STOX1: variants seen among roughly 807,000 people sequenced by gnomAD.
The protein encoded by STOX1 is storkhead box 1.
A neutral mutation model predicts 74.8 loss-of-function variants in STOX1; 57 were observed. The observed-to-expected ratio is 0.76, with a 90% confidence interval of 0.62 to 0.95. The LOEUF (loss-of-function observed/expected upper bound fraction) is 0.95. STOX1 is among the 40% of genes least tolerant of loss of function. The pLI, the probability that STOX1 is intolerant of heterozygous loss-of-function variation, is 0.00. For missense variants in STOX1, 1,010 were observed against 1,117.0 expected (o/e 0.90, Z 1.37); for synonymous variants, 375 against 401.3 (o/e 0.93, Z 0.78).
At chr10:68,842,421 T>A in intron 1 of STOX1, among the ~76,000 whole-genome samples, 1 of 152,226 alleles carries the variant, frequency 6.6e-6, no homozygotes, top group East Asian at 1.9e-4. Context: ...GATGTTAAGC[T>A]TATTCCATGA....
chr10:68,878,670 T>C (rs1389676008), intron 1 of STOX1, among the ~76,000 whole-genome samples: 1 of 152,172 alleles, frequency 6.6e-6, no homozygotes, highest in Non-Finnish European at 1.5e-5. Context: ...GCAAACTGCT[T>C]ATGATTTCCT....
intron 1 of STOX1, among the ~76,000 whole-genome samples, chr10:68,854,220 C>T (rs1340519852): frequency 6.6e-6 from 1 of 151,920 alleles, no homozygotes; most frequent in Non-Finnish European, 1.5e-5. Context: ...ATCTCGAACT[C>T]CTGACTTCAG....
chr10:68,841,660 C>G (rs1839694963), intron 1 of STOX1, among the ~76,000 whole-genome samples: 1 of 152,038 alleles, frequency 6.6e-6, no homozygotes, highest in Non-Finnish European at 1.5e-5. Flanking sequence ...AGAGAGTTTC[C>G]TAGTTCAGTG....
intron 1 of STOX1, among the ~76,000 whole-genome samples, chr10:68,837,888 C>T (rs139779428): frequency 6.6e-6 from 1 of 152,320 alleles, no homozygotes; most frequent in Non-Finnish European, 1.5e-5. Context: ...TTGAAAAGTG[C>T]ACAGTACAAA....
Position 68,852,820 on chromosome 10 carries a change from G to T in STOX1, c.310+24887G>T, listed in dbSNP as rs146611395. On this transcript the variant is annotated intron_variant, in intron 1 of 3. Coordinates refer to ENST00000298596, the MANE Select transcript of STOX1 (RefSeq NM_152709.5). ...TTCATATGTGAGATGGTGGTGTTAG[G>T]TTCATTTTGTATTGAAAGTGAAGTC... Among the ~76,000 whole-genome samples the T allele has an allele frequency of 2.3e-3, 348 of 151,472 alleles. 1 individual carries two copies. Among genetic ancestry groups the T allele is most frequent in the Non-Finnish European group, 3.8e-3 (259 of 67,988 alleles).
In STOX1 at chr10:68,851,310, A is replaced by G. The variant is rs115400770; in HGVS notation, c.310+23377A>G. 7.1e-3 allele frequency among the ~76,000 whole-genome samples: 1,076 copies of G among 151,946 alleles called. 13 individuals carry two copies. Among genetic ancestry groups the G allele is most frequent in the African/African-American group, 0.025 (1,028 of 41,398 alleles). On this transcript the variant is annotated intron_variant, in intron 1 of 3. Transcript: ENST00000298596. ...AGAGTGAGACTTTCTAAAAAAAAAAAAAAAAAGAAAAAAGAGTGGAGAAAG... is the reference window on the plus strand; with the variant it reads ...AGAGTGAGACTTTCTAAAAAAAAAAGAAAAAAGAAAAAAGAGTGGAGAAAG...
At chr10:68,860,079 C>T (rs935507982) in intron 1 of STOX1, among the ~76,000 whole-genome samples, 1 of 151,784 alleles carries the variant, frequency 6.6e-6, no homozygotes, top group Non-Finnish European at 1.5e-5. Flanking sequence ...ATCACGAGGT[C>T]CAGAGTTCGA....
intron 3 of STOX1, among the ~76,000 whole-genome samples, chr10:68,890,872 A>G (rs1253124636): frequency 1.3e-5 from 2 of 151,980 alleles, no homozygotes; most frequent in Non-Finnish European, 2.9e-5. Context: ...GGCTGGTCTC[A>G]AACTCCTGAC....
intron 1 of STOX1, among the ~76,000 whole-genome samples, chr10:68,834,963 A>T (rs1316152166): frequency 6.6e-6 from 1 of 152,062 alleles, no homozygotes; most frequent in Non-Finnish European, 1.5e-5. Context: ...ACCTGAGGTT[A>T]TCCATCTGCG....
chr10:68,840,128 C>T (rs1438769422), intron 1 of STOX1, among the ~76,000 whole-genome samples: 2 of 152,152 alleles, frequency 1.3e-5, no homozygotes, highest in African/African-American at 2.4e-5. Context: ...AAAACAATCT[C>T]CACATGCAAA....
At chr10:68,859,323 CTG>C (rs1189248816) in intron 1 of STOX1, among the ~76,000 whole-genome samples, 1 of 152,112 alleles carries the variant, frequency 6.6e-6, no homozygotes, top group Non-Finnish European at 1.5e-5. Context: ...ATCTTCCCCT[CTG>C]TGATTTCTGC....
chr10:68,875,619 G>A (rs138787404), intron 1 of STOX1, among the ~76,000 whole-genome samples: 5 of 152,306 alleles, frequency 3.3e-5, no homozygotes, highest in African/African-American at 1.2e-4. Flanking sequence ...GCTTATGGAA[G>A]GGGCCTTTGT....
chr10:68,860,351 C>T lies in STOX1; in HGVS notation c.311-21607C>T, dbSNP rs531671159. Among the ~76,000 whole-genome samples the T allele has an allele frequency of 2.7e-3, 415 of 150,976 alleles. 1 individual carries two copies. Among genetic ancestry groups the T allele is most frequent in the African/African-American group, 9.5e-3 (387 of 40,946 alleles). Reference sequence around the variant, plus strand: ...CTTTGGGAGGCTGAGGCAGGTGGATCACCTGAGGTCAGGAGTTTGAGACCA... The same window carrying T: ...CTTTGGGAGGCTGAGGCAGGTGGATTACCTGAGGTCAGGAGTTTGAGACCA... On this transcript the variant is annotated intron_variant, in intron 1 of 3. Transcript: ENST00000298596.
At chr10:68,861,368 C>G (rs1174694889) in intron 1 of STOX1, among the ~76,000 whole-genome samples, 1 of 152,120 alleles carries the variant, frequency 6.6e-6, no homozygotes, top group African/African-American at 2.4e-5. Context: ...AGGCATAGAT[C>G]GCTCATGCCA....
At chr10:68,864,775 T>G (rs1840361336) in intron 1 of STOX1, among the ~76,000 whole-genome samples, 2 of 152,238 alleles carry the variant, frequency 1.3e-5, no homozygotes, top group African/African-American at 2.4e-5. Context: ...CTGCCTCAGC[T>G]TCTTTTGCTA....
Position 68,892,960 on chromosome 10 carries a change from G to T in STOX1, c.*224G>T. On this transcript the variant is annotated 3_prime_UTR_variant, in exon 4 of 4. Coordinates refer to ENST00000298596, the MANE Select transcript of STOX1 (RefSeq NM_152709.5). Reference sequence around the variant, plus strand: ...ACTGTGAGTTTATTGGGAGTATATAGATTATTTTCGATTAAAAAGTGGAAT... The same window carrying T: ...ACTGTGAGTTTATTGGGAGTATATATATTATTTTCGATTAAAAAGTGGAAT... The T allele has an allele frequency of 2.4e-6, 1 of 423,896 alleles. No homozygotes were observed. 26.3% of individuals were successfully genotyped at this position (423,896 alleles called of 1,614,324 possible). A position where few individuals can be genotyped will look rare whatever the true frequency, so the allele number is the denominator to read the frequency against.
At chr10:68,889,370 C>T (rs1841045268) in intron 3 of STOX1, among the ~76,000 whole-genome samples, 1 of 152,192 alleles carries the variant, frequency 6.6e-6, no homozygotes, top group Non-Finnish European at 1.5e-5. Flanking sequence ...GCTATGTTGC[C>T]CAGGCTGGCC....
intron 1 of STOX1, among the ~76,000 whole-genome samples, chr10:68,876,119 A>AATATAT (rs56325624): frequency 2.6e-3 from 359 of 135,620 alleles, no homozygotes; most frequent in Middle Eastern, 3.7e-3. Context: ...TCTTTACCAG[A>AATATAT]ATATATATAT....
chr10:68,881,377 T>C (rs1298276679), intron 1 of STOX1, among the ~76,000 whole-genome samples: 1 of 152,264 alleles, frequency 6.6e-6, no homozygotes, highest in Non-Finnish European at 1.5e-5. Context: ...TTTTGCTTCA[T>C]GTCTTCTTGC....
Sources: allele counts gnomAD v4.1 joint callset (sites outside exome capture counted in the v4.1 genomes callset), GRCh38; gene constraint gnomAD v4.1.1; transcripts MANE v1.5; gene names NCBI Gene and HGNC (gene_info 2026-07-23, HGNC 2026-07-21).